Variants in KCNC2 observed in about 807,000 individuals in gnomAD.
The protein encoded by KCNC2 is voltage-gated potassium channel KCNC2.
In KCNC2, 21 loss-of-function variants were observed where a neutral mutation model predicts 44.5. The observed-to-expected ratio is 0.47, with a 90% confidence interval of 0.33 to 0.68. The LOEUF is 0.68. Ranked by LOEUF, KCNC2 falls within the 30% of genes least tolerant of loss-of-function variation. The pLI, the probability that KCNC2 is intolerant of heterozygous loss-of-function variation, is 0.01. For missense variants in KCNC2, 589 were observed against 826.2 expected, an observed-to-expected ratio of 0.71 and a Z score of 3.52; for synonymous variants, 391 against 339.1, an observed-to-expected ratio of 1.15 and a Z score of -1.68.
chr12:75,074,695 T>C (rs1353328901), intron 2 of KCNC2, among the ~76,000 whole-genome samples: 2 of 152,200 alleles, frequency 1.3e-5, no homozygotes, highest in Non-Finnish European at 2.9e-5. Context: ...CAGCTCTCAT[T>C]TATTTCATAC....
intron 2 of KCNC2, among the ~76,000 whole-genome samples, chr12:75,147,764 A>T (rs1890125720): frequency 6.6e-6 from 1 of 152,040 alleles, no homozygotes; most frequent in Non-Finnish European, 1.5e-5. Flanking sequence ...CACCACACTC[A>T]GACGTTACAG....
At chr12:75,145,216 A>G (rs1889934193) in intron 2 of KCNC2, among the ~76,000 whole-genome samples, 2 of 152,002 alleles carry the variant, frequency 1.3e-5, no homozygotes, top group African/African-American at 4.8e-5. Context: ...TCCTCTCCAA[A>G]AAAAAAAAGT....
At chr12:75,115,482 T>C (rs988009657) in intron 2 of KCNC2, among the ~76,000 whole-genome samples, 2 of 152,226 alleles carry the variant, frequency 1.3e-5, no homozygotes, top group Non-Finnish European at 2.9e-5. Context: ...TTTGTTTATT[T>C]ACTTATTTAT....
intron 2 of KCNC2, among the ~76,000 whole-genome samples, chr12:75,094,608 A>G (rs1198290410): frequency 6.6e-6 from 1 of 151,750 alleles, no homozygotes; most frequent in East Asian, 1.9e-4. Flanking sequence ...GAAATGCTTG[A>G]CTTGTAAGGT....
At chr12:75,197,563 C>G (rs1175854940) in intron 2 of KCNC2, among the ~76,000 whole-genome samples, 1 of 151,982 alleles carries the variant, frequency 6.6e-6, no homozygotes, top group African/African-American at 2.4e-5. Flanking sequence ...CTACTGAATA[C>G]AAGTGTTGCG....
At chr12:75,156,429 C>T (rs1890764803) in intron 2 of KCNC2, among the ~76,000 whole-genome samples, 1 of 151,634 alleles carries the variant, frequency 6.6e-6, no homozygotes, top group Non-Finnish European at 1.5e-5. Context: ...TTACATAATG[C>T]CCATGGCTAC....
At chr12:75,075,624 C>T (rs1883885352) in intron 2 of KCNC2, among the ~76,000 whole-genome samples, 1 of 151,796 alleles carries the variant, frequency 6.6e-6, no homozygotes, top group African/African-American at 2.4e-5. Context: ...AGGCAGATGA[C>T]ATGGTCATAT....
chr12:75,138,804 C>A (rs1348050207), intron 2 of KCNC2, among the ~76,000 whole-genome samples: 5 of 151,806 alleles, frequency 3.3e-5, no homozygotes, highest in African/African-American at 1.2e-4. Context: ...CACGGTGAAA[C>A]CCCGTCTCTA....
At chr12:75,105,799 A>G (rs573013784) in intron 2 of KCNC2, among the ~76,000 whole-genome samples, 1 of 152,230 alleles carries the variant, frequency 6.6e-6, no homozygotes, top group East Asian at 1.9e-4. Context: ...GGACATGTTA[A>G]GTTTGAAATG....
chr12:75,124,573 G>C (rs1402805554), intron 2 of KCNC2, among the ~76,000 whole-genome samples: 2 of 152,062 alleles, frequency 1.3e-5, no homozygotes, highest in Admixed American at 1.3e-4. Context: ...TGAAGATAAA[G>C]ATGTTTTATA....
At chr12:75,073,832 A>T (rs1170137837) in intron 2 of KCNC2, among the ~76,000 whole-genome samples, 1 of 152,162 alleles carries the variant, frequency 6.6e-6, no homozygotes, top group East Asian at 1.9e-4. Flanking sequence ...CTCAATTTAT[A>T]ATTTTTAACT....
chr12:75,052,668 C>T lies in KCNC2; in HGVS notation c.688-1351G>A, dbSNP rs546262611. On this transcript the variant is annotated intron_variant, in intron 2 of 4. Transcript: ENST00000549446. ...CCAAAGTTGCCCCTAATATCTAGTC[C>T]TCAAGCATGCCATTGGGAAGAGCTG... is the stretch of plus-strand genomic sequence containing the variant. 7.9e-5 allele frequency among the ~76,000 whole-genome samples: 12 copies of T among 152,182 alleles called. 1 individual carries two copies. The South Asian group carries it at 2.5e-3, about 32-fold the overall frequency.
chr12:75,195,145 A>T (rs1031709295), intron 2 of KCNC2, among the ~76,000 whole-genome samples: 2 of 152,106 alleles, frequency 1.3e-5, no homozygotes, highest in Non-Finnish European at 2.9e-5. Context: ...CTGTGCAAAA[A>T]CTAATATTAT....
At chr12:75,171,915 A>G (rs1891848722) in intron 2 of KCNC2, among the ~76,000 whole-genome samples, 1 of 151,808 alleles carries the variant, frequency 6.6e-6, no homozygotes, top group African/African-American at 2.4e-5. Context: ...AAACACTTTA[A>G]AAAGGGTTTT....
intron 2 of KCNC2, among the ~76,000 whole-genome samples, chr12:75,087,917 A>G (rs1885158443): frequency 6.6e-6 from 1 of 151,826 alleles, no homozygotes; most frequent in Non-Finnish European, 1.5e-5. Flanking sequence ...CCAGTACTGT[A>G]CCCTTCCTTT....
intron 2 of KCNC2, among the ~76,000 whole-genome samples, chr12:75,120,035 C>T (rs1434497739): frequency 2.6e-5 from 4 of 152,208 alleles, no homozygotes; most frequent in Non-Finnish European, 5.9e-5. Flanking sequence ...TCCAGCCCAT[C>T]ATCTCCATCT....
At chr12:75,043,676 A>C in intron 4 of KCNC2, 1 of 1,350,460 alleles carries the variant, frequency 7.4e-7, no homozygotes, top group Non-Finnish European at 9.6e-7. Flanking sequence ...CCAATAAAGC[A>C]TACTTAAGTT....
At chr12:75,107,398 T>C (rs1289228377) in intron 2 of KCNC2, among the ~76,000 whole-genome samples, 3 of 151,390 alleles carry the variant, frequency 2.0e-5, no homozygotes, top group African/African-American at 7.3e-5. Context: ...TTATAACAAA[T>C]TTATAATTTA....
At chr12:75,121,244 A>G (rs140088926) in intron 2 of KCNC2, among the ~76,000 whole-genome samples, 5 of 152,316 alleles carry the variant, frequency 3.3e-5, no homozygotes, top group Non-Finnish European at 7.4e-5. Context: ...TTTGTTTTCA[A>G]ATTTTCCCTT....
Sources: gnomAD v4.1 joint callset for allele counts (sites outside exome capture counted in the v4.1 genomes callset) on GRCh38, gnomAD v4.1.1 for gene constraint, MANE v1.5 for transcripts, NCBI Gene and HGNC (gene_info 2026-07-23, HGNC 2026-07-21) for gene names.